ZFAND4: variants seen among roughly 807,000 people sequenced by gnomAD.
The protein encoded by ZFAND4 is AN1-type zinc finger protein 4.
A neutral mutation model predicts 64.4 loss-of-function variants in ZFAND4; 43 were observed. The ratio of observed to expected loss-of-function variants is 0.67; its 90% CI spans 0.52 to 0.86. The LOEUF is 0.86. Ranked by LOEUF, ZFAND4 falls within the 40% of genes least tolerant of loss-of-function variation. The pLI is 0.00. For synonymous variants in ZFAND4, 296 were observed against 305.7 expected, an observed-to-expected ratio of 0.97 and a Z score of 0.33; for missense variants, 929 against 859.8, an observed-to-expected ratio of 1.08 and a Z score of -1.01.
chr10:45,616,563 T>C lies in ZFAND4; in HGVS notation c.2057A>G (p.Asn686Ser), dbSNP rs201172498. 2.7e-5 allele frequency: 43 copies of C among 1,613,902 alleles called. No individual in the cohort carries two copies. Among genetic ancestry groups the C allele is most frequent in the Non-Finnish European group, 3.5e-5 (41 of 1,179,978 alleles). The change falls in exon 10 of 10, where the codon AAC (asparagine) becomes AGC (serine). Residue 686 changes from asparagine (N) to serine (S), a missense_variant. Coordinates refer to ENST00000344646, the MANE Select transcript of ZFAND4 (RefSeq NM_174890.4). The part of the protein sequence containing the change: ...LASSYECRCG[N>S]NFCASHRYAE... ...ATAACGATGAGATGCACAGAAGTTG[T>C]TTCCACATCTAAAGCACAAAAAAAG...
intron 6 of ZFAND4, among the ~76,000 whole-genome samples, chr10:45,638,831 C>A (rs1441793265): frequency 1.3e-5 from 2 of 152,162 alleles, no homozygotes; most frequent in African/African-American, 4.8e-5. Flanking sequence ...ATACTTTTAA[C>A]AAAAGAAACC....
rs777822440 is a variant in ZFAND4, at chr10:45,648,542, T to G, written c.329-8A>C. On this transcript the variant is annotated splice_polypyrimidine_tract_variant and splice_region_variant and intron_variant, in intron 4 of 9. Coordinates refer to ENST00000344646, the MANE Select transcript of ZFAND4 (RefSeq NM_174890.4). The stretch of plus-strand genomic sequence containing the variant: ...GTGGATCGTCTGTAGGAACTACAAA[T>G]GGAAAATTGAAATAAGTCTTCAATT... 2 of 1,588,366 alleles carry G rather than the reference T, an allele frequency of 1.3e-6. No homozygotes were observed. The highest frequency in any genetic ancestry group is 1.7e-6 in the Non-Finnish European group (2 of 1,168,644).
intron 4 of ZFAND4, chr10:45,648,997 G>A (rs949536582): frequency 1.2e-5 from 12 of 983,576 alleles, no homozygotes; most frequent in Middle Eastern, 5.2e-4. Context: ...GGCCGGGTGC[G>A]GTGGCTCATG....
chr10:45,654,436 T>C (rs993171887), intron 2 of ZFAND4, among the ~76,000 whole-genome samples: 4 of 152,032 alleles, frequency 2.6e-5, no homozygotes, highest in African/African-American at 4.8e-5. Flanking sequence ...CTGGCCAACA[T>C]GGTGAAACCC....
chr10:45,662,681 T>C (rs2048556406), intron 2 of ZFAND4: 1 of 985,054 alleles, frequency 1.0e-6, no homozygotes, highest in African/African-American at 1.7e-5. Context: ...ATCTCCTGGG[T>C]CTAGAGAAAT....
At chr10:45,618,375 T>C (rs948404075) in intron 8 of ZFAND4, 115 bp from the exon 9 acceptor site, 5 of 1,291,648 alleles carry the variant, frequency 3.9e-6, no homozygotes, top group Non-Finnish European at 5.3e-6. Context: ...GCCATAAAAA[T>C]TAATTTGTGC....
chr10:45,650,022 T>A (rs370366513), intron 4 of ZFAND4: 1 of 152,218 alleles, frequency 6.6e-6, no homozygotes, highest in Non-Finnish European at 1.5e-5. Context: ...TTGATATGCA[T>A]TGGGCACAAT....
chr10:45,636,877 A>G (rs2046631565), intron 6 of ZFAND4, among the ~76,000 whole-genome samples: 1 of 151,976 alleles, frequency 6.6e-6, no homozygotes, highest in South Asian at 2.1e-4. Flanking sequence ...CAACAAAAGT[A>G]TTTGTTTATT....
intron 1 of ZFAND4, among the ~76,000 whole-genome samples, chr10:45,670,559 C>T (rs1463032460): frequency 6.6e-6 from 1 of 152,150 alleles, no homozygotes; most frequent in Admixed American, 6.5e-5. Context: ...CTTTGACAAA[C>T]CTGACAAAAA....
chr10:45,664,137 A>C (rs1230456990), intron 1 of ZFAND4, among the ~76,000 whole-genome samples: 2 of 152,222 alleles, frequency 1.3e-5, no homozygotes, highest in Non-Finnish European at 2.9e-5. Flanking sequence ...GTTAAGTGAT[A>C]TATAAGCCAA....
chr10:45,652,942 T>C (rs774057637), intron 3 of ZFAND4, 42 bp downstream of exon 3: 11 of 1,473,070 alleles, frequency 7.5e-6, no homozygotes, highest in Non-Finnish European at 1.0e-5. Context: ...GGAGTCATAA[T>C]ACTAAGTGCC....
At chr10:45,621,690 C>G (rs979104002) in intron 8 of ZFAND4, among the ~76,000 whole-genome samples, 1 of 151,886 alleles carries the variant, frequency 6.6e-6, no homozygotes, top group African/African-American at 2.4e-5. Flanking sequence ...TGCAGTGAGC[C>G]GAGATCGTGC....
intron 4 of ZFAND4, 124 bp from the exon 5 acceptor site, chr10:45,648,658 T>G: frequency 9.3e-7 from 1 of 1,071,876 alleles, no homozygotes; most frequent in East Asian, 2.9e-5. Flanking sequence ...AAACATGATA[T>G]TCTTCAAATA....
intron 2 of ZFAND4, among the ~76,000 whole-genome samples, chr10:45,657,830 T>G (rs1478973626): frequency 1.3e-5 from 2 of 152,046 alleles, no homozygotes; most frequent in East Asian, 3.9e-4. Flanking sequence ...AAAACCAGAC[T>G]TAAGAGACTA....
intron 2 of ZFAND4, among the ~76,000 whole-genome samples, chr10:45,653,880 C>A (rs1354398056): frequency 8.5e-5 from 13 of 152,166 alleles, no homozygotes; most frequent in Admixed American, 6.5e-4. Flanking sequence ...ATGTTCATCA[C>A]AGTACTATTC....
chr10:45,625,053 T>A (rs2045698590), intron 7 of ZFAND4, among the ~76,000 whole-genome samples: 2 of 151,844 alleles, frequency 1.3e-5, no homozygotes. Flanking sequence ...GGCATGTGCC[T>A]GTAGTCCCAG....
chr10:45,657,590 T>A (rs1461607769), intron 2 of ZFAND4, among the ~76,000 whole-genome samples: 2 of 152,184 alleles, frequency 1.3e-5, no homozygotes, highest in Non-Finnish European at 2.9e-5. Flanking sequence ...CTCTTAAGTA[T>A]TTACCCAAGT....
Position 45,652,036 on chromosome 10 carries a change from G to A in ZFAND4, c.261-3C>T, listed in dbSNP as rs968680703. On this transcript the variant is annotated splice_region_variant and splice_polypyrimidine_tract_variant and intron_variant, in intron 3 of 9. Transcript: ENST00000344646. The stretch of plus-strand genomic sequence containing the variant: ...TCAAGGTACACCCTTCTGAAATGCT[G>A]TGGATAGTTAACACAAAAATAAATC... 99 of 1,613,480 alleles carry A rather than the reference G, an allele frequency of 6.1e-5. No individual in the cohort carries two copies. The highest frequency in any genetic ancestry group is 8.4e-5 in the Non-Finnish European group (99 of 1,179,654).
chr10:45,621,970 C>T (rs2045462078), intron 8 of ZFAND4, among the ~76,000 whole-genome samples: 1 of 152,138 alleles, frequency 6.6e-6, no homozygotes, highest in Admixed American at 6.5e-5. Flanking sequence ...AGCAGTGAGA[C>T]GTGAACCAGC....
Sources: gnomAD v4.1 joint callset for allele counts (sites outside exome capture counted in the v4.1 genomes callset) on GRCh38, gnomAD v4.1.1 for gene constraint, MANE v1.5 for transcripts, NCBI Gene and HGNC (gene_info 2026-07-23, HGNC 2026-07-21) for gene names.